The following ITFG1 variants were observed in gnomAD, a reference collection of about 807,000 sequenced individuals.
ITFG1 encodes the protein T-cell immunomodulatory protein.
A neutral mutation model predicts 81.8 loss-of-function variants in ITFG1; 34 were observed. That is an observed-to-expected ratio of 0.42 (90% CI 0.32 to 0.55). ITFG1 has a LOEUF of 0.55. Among genes scored for constraint, ITFG1 ranks in the 20% least tolerant of loss-of-function variants. The pLI, the probability that ITFG1 is intolerant of heterozygous loss-of-function variation, is 0.17. For synonymous variants in ITFG1, 285 were observed against 270.6 expected (o/e 1.05, Z -0.52); for missense variants, 672 against 755.4 (o/e 0.89, Z 1.29).
At chr16:47,443,144 A>G (rs1596988147) in intron 5 of ITFG1, among the ~76,000 whole-genome samples, 1 of 152,368 alleles carries the variant, frequency 6.6e-6, no homozygotes, top group African/African-American at 2.4e-5. Flanking sequence ...AACACATGAA[A>G]AAATGCTCAT....
At chr16:47,264,514 G>C (rs1966251025) in intron 10 of ITFG1, among the ~76,000 whole-genome samples, 1 of 149,028 alleles carries the variant, frequency 6.7e-6, no homozygotes, top group South Asian at 2.1e-4. Context: ...CTATGCTATT[G>C]ATGGTCAGGT....
chr16:47,434,963 G>A (rs1167939976), intron 5 of ITFG1, among the ~76,000 whole-genome samples: 11 of 152,130 alleles, frequency 7.2e-5, no homozygotes, highest in African/African-American at 1.4e-4. Flanking sequence ...CTTATAAGTC[G>A]GAGCTGAATG....
intron 5 of ITFG1, among the ~76,000 whole-genome samples, chr16:47,437,272 C>G (rs1402874439): frequency 6.6e-6 from 1 of 151,784 alleles, no homozygotes; most frequent in Non-Finnish European, 1.5e-5. Flanking sequence ...TCAAGACCAG[C>G]CTGAGCAATA....
At chr16:47,341,087 CAATGGGTCA>C (rs1383441537) in intron 8 of ITFG1, among the ~76,000 whole-genome samples, 2 of 151,630 alleles carry the variant, frequency 1.3e-5, no homozygotes, top group African/African-American at 4.8e-5. Flanking sequence ...TCTAAACAAC[CAATGGGTCA>C]AAGAAGAATC....
chr16:47,402,121 CA>C (rs1267760602), intron 6 of ITFG1, among the ~76,000 whole-genome samples: 1 of 152,104 alleles, frequency 6.6e-6, no homozygotes, highest in Non-Finnish European at 1.5e-5. Context: ...ACTGAATAAC[CA>C]AAATGGCAGC....
chr16:47,296,539 G>A (rs1022053417), intron 10 of ITFG1, among the ~76,000 whole-genome samples: 8 of 152,078 alleles, frequency 5.3e-5, no homozygotes, highest in Non-Finnish European at 7.4e-5. Flanking sequence ...GGATTCAAGC[G>A]ATTCTCCTGC....
chr16:47,391,635 A>C (rs1968532699), intron 6 of ITFG1, among the ~76,000 whole-genome samples: 1 of 152,232 alleles, frequency 6.6e-6, no homozygotes, highest in African/African-American at 2.4e-5. Flanking sequence ...AAAAACACTA[A>C]GTATAATTCT....
chr16:47,361,780 T>C (rs1324132349), intron 8 of ITFG1, among the ~76,000 whole-genome samples: 1 of 152,218 alleles, frequency 6.6e-6, no homozygotes, highest in Non-Finnish European at 1.5e-5. Context: ...TTTCTTGGTC[T>C]TCTTTTGCAT....
chr16:47,179,077 A>G (rs577993841), intron 14 of ITFG1, among the ~76,000 whole-genome samples: 3,733 of 152,170 alleles, frequency 0.025, 64 homozygotes, highest in South Asian at 0.06. Flanking sequence ...TCAGGAAACA[A>G]CAGGTGCTGG....
intron 6 of ITFG1, among the ~76,000 whole-genome samples, chr16:47,391,144 G>A (rs1429242304): frequency 2.0e-5 from 3 of 151,992 alleles, no homozygotes; most frequent in African/African-American, 7.3e-5. Flanking sequence ...AGGCACAAAG[G>A]TGGGAAAGGG....
chr16:47,298,713 C>G (rs1263777760), intron 10 of ITFG1, among the ~76,000 whole-genome samples: 2 of 152,272 alleles, frequency 1.3e-5, no homozygotes, highest in South Asian at 2.1e-4. Context: ...TCACATGAAG[C>G]CTGTCTCCTT....
intron 10 of ITFG1, among the ~76,000 whole-genome samples, chr16:47,282,941 T>A (rs781192865): frequency 1.3e-5 from 2 of 152,194 alleles, no homozygotes; most frequent in Non-Finnish European, 2.9e-5. Flanking sequence ...GTTGCTTTTT[T>A]TTCTTGCTGA....
chr16:47,228,206 ATTAAGGAGTGAGTAATATT>A (rs1165968994), intron 13 of ITFG1, among the ~76,000 whole-genome samples: 1 of 152,224 alleles, frequency 6.6e-6, no homozygotes, highest in Non-Finnish European at 1.5e-5. Flanking sequence ...GGCAAACAGA[ATTAAGGAGTGAGTAATATT>A]TTAAGGAATG....
chr16:47,264,391 T>C (rs1391061684), intron 10 of ITFG1, among the ~76,000 whole-genome samples: 7 of 152,206 alleles, frequency 4.6e-5, no homozygotes, highest in Non-Finnish European at 7.4e-5. Context: ...CATGAGAAGG[T>C]GTACCAATTT....
chr16:47,240,161 G>A (rs527477420), intron 12 of ITFG1, among the ~76,000 whole-genome samples: 12 of 151,540 alleles, frequency 7.9e-5, no homozygotes, highest in African/African-American at 2.2e-4. Flanking sequence ...GCCAGATGTG[G>A]TGACACACGT....
chr16:47,260,135 C>T (rs1654156954), intron 11 of ITFG1, among the ~76,000 whole-genome samples: 1 of 151,816 alleles, frequency 6.6e-6, no homozygotes, highest in South Asian at 2.1e-4. Context: ...GACGGGGTTT[C>T]TCTGTGTTAG....
intron 14 of ITFG1, among the ~76,000 whole-genome samples, chr16:47,212,816 C>CT (rs372147696): frequency 4.0e-5 from 6 of 151,234 alleles, no homozygotes; most frequent in South Asian, 2.1e-4. Flanking sequence ...TCTCCTCTCT[C>CT]TTTTTTTTTG....
At chr16:47,355,111 T>C (rs920806467) in intron 8 of ITFG1, among the ~76,000 whole-genome samples, 5 of 152,106 alleles carry the variant, frequency 3.3e-5, no homozygotes, top group African/African-American at 9.7e-5. Flanking sequence ...TACAGCACTA[T>C]TCACAATAGC....
intron 14 of ITFG1, among the ~76,000 whole-genome samples, chr16:47,177,326 A>G (rs1175688190): frequency 6.6e-6 from 1 of 152,082 alleles, no homozygotes; most frequent in Non-Finnish European, 1.5e-5. Flanking sequence ...TTGTTTCTAA[A>G]TGCCAACTTG....
Sources: gnomAD v4.1 joint callset for allele counts (sites outside exome capture counted in the v4.1 genomes callset) on GRCh38, gnomAD v4.1.1 for gene constraint, MANE v1.5 for transcripts, NCBI Gene and HGNC (gene_info 2026-07-23, HGNC 2026-07-21) for gene names.